The following SDK1 variants were observed in gnomAD, a reference collection of about 807,000 sequenced individuals.
SDK1 encodes the protein sidekick cell adhesion molecule 1.
In SDK1, 157 loss-of-function variants were observed where a neutral mutation model predicts 245.5. That is an observed-to-expected ratio of 0.64 (90% CI 0.56 to 0.73). The LOEUF (loss-of-function observed/expected upper bound fraction) is 0.73. Ranked by LOEUF, SDK1 falls within the 30% of genes least tolerant of loss-of-function variation. SDK1 has a pLI of 0.00. For missense variants in SDK1, 3,583 were observed against 3,002.3 expected, an observed-to-expected ratio of 1.19 and a Z score of -4.52; for synonymous variants, 1,647 against 1,278.5, an observed-to-expected ratio of 1.29 and a Z score of -6.15.
intron 1 of SDK1, among the ~76,000 whole-genome samples, chr7:3,495,569 G>C (rs1033373895): frequency 3.9e-5 from 6 of 152,124 alleles, no homozygotes; most frequent in African/African-American, 1.4e-4. Context: ...GGAAAACTTG[G>C]CTCTGATGCT....
intron 4 of SDK1, among the ~76,000 whole-genome samples, chr7:3,807,498 G>T (rs1324779874): frequency 1.3e-5 from 2 of 152,116 alleles, no homozygotes; most frequent in Non-Finnish European, 2.9e-5. Flanking sequence ...TCTACCATAG[G>T]CCAGGCCTTT....
intron 1 of SDK1, among the ~76,000 whole-genome samples, chr7:3,542,502 T>G (rs982284005): frequency 8.5e-5 from 13 of 152,158 alleles, no homozygotes; most frequent in Non-Finnish European, 1.9e-4. Context: ...ATGGGAGACA[T>G]CGTTGTGTGC....
At chr7:4,068,536 C>G (rs1780043626) in intron 20 of SDK1, among the ~76,000 whole-genome samples, 2 of 152,020 alleles carry the variant, frequency 1.3e-5, no homozygotes, top group South Asian at 2.1e-4. Context: ...GTCCCCTCCC[C>G]ACCCTGCCCT....
At chr7:3,303,768 T>C (rs749200392) in intron 1 of SDK1, among the ~76,000 whole-genome samples, 1 of 152,228 alleles carries the variant, frequency 6.6e-6, no homozygotes, top group Non-Finnish European at 1.5e-5. Context: ...TTATATCGTA[T>C]TGAAAATTCA....
chr7:3,458,275 C>G lies in SDK1; in HGVS notation c.298+156391C>G, dbSNP rs188491634. On this transcript the variant is annotated intron_variant, in intron 1 of 44. Transcript: ENST00000404826. ...AAAGAAGTAATAAAATTATTTCTTT[C>G]CCCTGTTGTCTCTCTTTTCTCTTTC... Among the ~76,000 whole-genome samples the G allele has an allele frequency of 6.9e-3, 1,051 of 152,000 alleles. 5 individuals are homozygous for G. The highest frequency in any genetic ancestry group is 9.8e-3 in the Non-Finnish European group (663 of 67,966).
chr7:4,159,938 A>G (rs1439839401), intron 31 of SDK1, among the ~76,000 whole-genome samples: 1 of 152,246 alleles, frequency 6.6e-6, no homozygotes, highest in African/African-American at 2.4e-5. Context: ...TAACCTAGAA[A>G]TGATTTAAAG....
At chr7:3,756,534 A>C (rs944545552) in intron 4 of SDK1, among the ~76,000 whole-genome samples, 1 of 152,050 alleles carries the variant, frequency 6.6e-6, no homozygotes, top group Non-Finnish European at 1.5e-5. Context: ...ATGTGTGTCA[A>C]TAGCATCACT....
At chr7:3,637,129 G>C (rs1455632409) in intron 2 of SDK1, among the ~76,000 whole-genome samples, 1 of 151,230 alleles carries the variant, frequency 6.6e-6, no homozygotes, top group Non-Finnish European at 1.5e-5. Context: ...AGAGTGTCTT[G>C]CTCTGTCACC....
chr7:4,111,253 G>A (rs573195228), intron 23 of SDK1, among the ~76,000 whole-genome samples: 5 of 152,132 alleles, frequency 3.3e-5, no homozygotes, highest in South Asian at 2.1e-4. Flanking sequence ...CTTGAACCCC[G>A]AAACTGATCC....
chr7:3,955,628 G>A (rs1781201798), intron 7 of SDK1, among the ~76,000 whole-genome samples: 3 of 152,302 alleles, frequency 2.0e-5, no homozygotes, highest in Middle Eastern at 6.8e-3. Flanking sequence ...TGAGAGGGGC[G>A]ACCTGGAAGG....
intron 1 of SDK1, among the ~76,000 whole-genome samples, chr7:3,544,404 G>T (rs1222940222): frequency 6.6e-6 from 1 of 152,250 alleles, no homozygotes; most frequent in Non-Finnish European, 1.5e-5. Context: ...GGCCTGTAGA[G>T]GGCACTGCAC....
At chr7:3,580,273 A>G (rs1780437819) in intron 1 of SDK1, among the ~76,000 whole-genome samples, 1 of 152,218 alleles carries the variant, frequency 6.6e-6, no homozygotes, top group East Asian at 1.9e-4. Context: ...AACATTCTTC[A>G]CAAAACTGGA....
At chr7:3,456,162 C>T (rs1425183624) in intron 1 of SDK1, among the ~76,000 whole-genome samples, 2 of 152,070 alleles carry the variant, frequency 1.3e-5, no homozygotes, top group African/African-American at 4.8e-5. Context: ...AGATCTTTTT[C>T]TTCAGTTTTT....
chr7:3,480,220 G>A lies in SDK1; in HGVS notation c.299-138860G>A, dbSNP rs144595226. Among the ~76,000 whole-genome samples, 1,453 of 152,300 alleles carry A rather than the reference G, an allele frequency of 9.5e-3. 12 individuals are homozygous for A. Among genetic ancestry groups the A allele is most frequent in the Non-Finnish European group, 0.016 (1,087 of 68,032 alleles). On this transcript the variant is annotated intron_variant, in intron 1 of 44. Transcript: ENST00000404826. ...AAGAAGAGTGGTGTGACATGAGAAG[G>A]ATTCAGCAGGTCATTGCTGGCTGTG...
intron 2 of SDK1, among the ~76,000 whole-genome samples, chr7:3,620,642 TA>T (rs1781908501): frequency 6.6e-6 from 1 of 152,088 alleles, no homozygotes; most frequent in South Asian, 2.1e-4. Flanking sequence ...AGATTTTCTG[TA>T]AAAACCTTGC....
intron 22 of SDK1, among the ~76,000 whole-genome samples, chr7:4,081,189 C>T (rs1370895512): frequency 2.0e-5 from 3 of 152,186 alleles, no homozygotes; most frequent in Non-Finnish European, 2.9e-5. Context: ...CTTCAGGGCT[C>T]AACATACAAA....
At chr7:3,458,702 C>G (rs1780744722) in intron 1 of SDK1, among the ~76,000 whole-genome samples, 1 of 152,094 alleles carries the variant, frequency 6.6e-6, no homozygotes, top group Non-Finnish European at 1.5e-5. Context: ...GATGCAGCAT[C>G]ATTATAATTA....
chr7:3,481,630 G>GTT (rs1023336425), intron 1 of SDK1, among the ~76,000 whole-genome samples: 2 of 152,150 alleles, frequency 1.3e-5, no homozygotes, highest in Non-Finnish European at 2.9e-5. Context: ...TGTGTACAGG[G>GTT]TTACCTCAGG....
intron 17 of SDK1, among the ~76,000 whole-genome samples, chr7:4,048,727 C>G (rs1370280934): frequency 1.3e-5 from 2 of 152,210 alleles, no homozygotes; most frequent in African/African-American, 4.8e-5. Context: ...GTTACACGAG[C>G]ATGTCCCCTA....
Sources: gnomAD v4.1 joint callset for allele counts (sites outside exome capture counted in the v4.1 genomes callset) on GRCh38, gnomAD v4.1.1 for gene constraint, MANE v1.5 for transcripts, NCBI Gene and HGNC (gene_info 2026-07-23, HGNC 2026-07-21) for gene names.